The following POC1B variants were observed in gnomAD, a reference collection of about 807,000 sequenced individuals.
POC1B encodes POC1 centriolar protein B.
POC1B carries 44 observed loss-of-function variants against 60.6 expected under a neutral mutation model. The ratio of observed to expected loss-of-function variants is 0.73; its 90% CI spans 0.57 to 0.93. The LOEUF (loss-of-function observed/expected upper bound fraction) is 0.93, where lower values mean the gene tolerates loss of function less well. Among genes scored for constraint, POC1B ranks in the 40% least tolerant of loss-of-function variants. The pLI is 0.00. For missense variants in POC1B, 555 were observed against 572.3 expected, an observed-to-expected ratio of 0.97 and a Z score of 0.31; for synonymous variants, 180 against 198.9, an observed-to-expected ratio of 0.90 and a Z score of 0.80.
At chr12:89,410,936 A>G in the POC1B span, among the ~76,000 whole-genome samples, 20 of 152,218 alleles carry the variant, frequency 1.3e-4, no homozygotes, top group Non-Finnish European at 2.9e-4. Flanking sequence ...AGGATATGAA[A>G]TCAATGTGCA....
chr12:89,469,832 T>G (rs1248692275), intron 7 of POC1B, among the ~76,000 whole-genome samples: 1 of 152,132 alleles, frequency 6.6e-6, no homozygotes, highest in African/African-American at 2.4e-5. Flanking sequence ...AGATACACAT[T>G]GATTTTGATA....
At chr12:89,511,538 C>T (rs1389345930) in intron 2 of POC1B, among the ~76,000 whole-genome samples, 1 of 152,100 alleles carries the variant, frequency 6.6e-6, no homozygotes, top group East Asian at 1.9e-4. Flanking sequence ...ACTATAAAGT[C>T]CATTACTGAA....
intron 2 of POC1B, chr12:89,522,983 AC>A (rs758512761): frequency 6.2e-7 from 1 of 1,614,034 alleles, no homozygotes; most frequent in South Asian, 1.1e-5. Flanking sequence ...GGTACAGGGA[AC>A]CCATCTTTGG....
At chr12:89,497,459 G>A (rs1869316307) in intron 2 of POC1B, 117 bp from the exon 3 acceptor site, 3 of 1,033,634 alleles carry the variant, frequency 2.9e-6, no homozygotes, top group South Asian at 1.7e-5. Context: ...GCGGCTGGAG[G>A]TTGTAAGGCT....
intron 2 of POC1B, among the ~76,000 whole-genome samples, chr12:89,512,535 G>A (rs1870238129): frequency 6.6e-6 from 1 of 152,166 alleles, no homozygotes; most frequent in Admixed American, 6.5e-5. Context: ...AAGGCAGAAG[G>A]ACTACGATAG....
the POC1B span, among the ~76,000 whole-genome samples, chr12:89,412,628 G>A: frequency 5.2e-3 from 786 of 150,402 alleles, 15 homozygotes; most frequent in African/African-American, 0.018. Flanking sequence ...AGTGAGCCGA[G>A]ATCGCACCAA....
intron 10 of POC1B, chr12:89,426,663 A>G (rs2120658121): frequency 6.6e-6 from 1 of 152,232 alleles, no homozygotes; most frequent in East Asian, 1.9e-4. Context: ...GTCTCTACTA[A>G]AAATACAAAA....
At chr12:89,507,631 T>C (rs1869969623) in intron 2 of POC1B, among the ~76,000 whole-genome samples, 1 of 152,242 alleles carries the variant, frequency 6.6e-6, no homozygotes, top group Admixed American at 6.5e-5. Flanking sequence ...AATAATCCAT[T>C]GTTTCAAGAA....
intron 10 of POC1B, among the ~76,000 whole-genome samples, chr12:89,442,559 G>A (rs1429195150): frequency 6.6e-6 from 1 of 152,198 alleles, no homozygotes; most frequent in Non-Finnish European, 1.5e-5. Flanking sequence ...AATGCTGAGG[G>A]ATTTTGTCAC....
chr12:89,421,325 T>C, intron 11 of POC1B, 68 bp from the exon 12 acceptor site: 2 of 1,301,094 alleles, frequency 1.5e-6, no homozygotes, highest in Non-Finnish European at 2.1e-6. Context: ...TGACAATCTC[T>C]GCATAGGAAA....
In POC1B at chr12:89,506,074, G is replaced by C. The variant is rs772681224; in HGVS notation, c.101-8732C>G. ...GATACAGGTTGGGGTGGACATAGTA[G>C]TTTTGAGATGCCAATTAGACATACA... On this transcript the variant is annotated intron_variant, in intron 2 of 11. Transcript: ENST00000313546. Among the ~76,000 whole-genome samples, 135 of 152,324 alleles carry C rather than the reference G, an allele frequency of 8.9e-4. 1 individual carries two copies. The highest frequency in any genetic ancestry group is 9.7e-4 in the Non-Finnish European group (66 of 68,028).
intron 9 of POC1B, 126 bp from the exon 10 acceptor site, chr12:89,459,844 C>A: frequency 1.8e-6 from 1 of 547,686 alleles, no homozygotes; most frequent in South Asian, 3.7e-5. Context: ...ATATTCATTA[C>A]TATGGATAAA....
chr12:89,501,097 A>G (rs1869542799), intron 2 of POC1B: 4 of 1,224,432 alleles, frequency 3.3e-6, no homozygotes, highest in Non-Finnish European at 3.6e-6. Context: ...ACAACGCACC[A>G]TATCCCCGGC....
chr12:89,445,680 T>C (rs1156886182), intron 10 of POC1B, among the ~76,000 whole-genome samples: 1 of 152,102 alleles, frequency 6.6e-6, no homozygotes, highest in African/African-American at 2.4e-5. Flanking sequence ...GCAATACCAT[T>C]CAGGACATAG....
the POC1B span, among the ~76,000 whole-genome samples, chr12:89,409,922 A>G: frequency 3.3e-5 from 5 of 152,328 alleles, no homozygotes; most frequent in African/African-American, 7.2e-5. Flanking sequence ...TCCAAACAAT[A>G]GAAAAAAAGG....
At chr12:89,414,333 T>C in the POC1B span, among the ~76,000 whole-genome samples, 1 of 152,358 alleles carries the variant, frequency 6.6e-6, no homozygotes, top group South Asian at 2.1e-4. Flanking sequence ...TAGGAACACG[T>C]TTGAGATTTG....
intron 2 of POC1B, among the ~76,000 whole-genome samples, chr12:89,513,420 A>G (rs1870282729): frequency 6.6e-6 from 1 of 152,206 alleles, no homozygotes; most frequent in Non-Finnish European, 1.5e-5. Flanking sequence ...TACAGGATTG[A>G]ATCAATGACA....
chr12:89,524,359 T>C (rs746497361), intron 2 of POC1B: 4 of 1,614,038 alleles, frequency 2.5e-6, no homozygotes, highest in Middle Eastern at 1.6e-4. Context: ...GGGCTTCTTA[T>C]AAAGCGGTCG....
chr12:89,520,529 T>C (rs967445429), intron 2 of POC1B: 2 of 152,188 alleles, frequency 1.3e-5, no homozygotes, highest in Non-Finnish European at 2.9e-5. Context: ...TTAAATTAAA[T>C]GCAGGGCCAA....
Sources: allele counts gnomAD v4.1 joint callset (sites outside exome capture counted in the v4.1 genomes callset), GRCh38; gene constraint gnomAD v4.1.1; transcripts MANE v1.5; gene names NCBI Gene and HGNC (gene_info 2026-07-23, HGNC 2026-07-21).